Variants in SIMC1 observed in about 807,000 individuals in gnomAD.
The protein encoded by SIMC1 is SUMO-interacting motif-containing protein 1.
SIMC1 carries 55 observed loss-of-function variants against 82.3 expected under a neutral mutation model. The ratio of observed to expected loss-of-function variants is 0.67; its 90% CI spans 0.54 to 0.84. The LOEUF is 0.84. Among genes scored for constraint, SIMC1 ranks in the 40% least tolerant of loss-of-function variants. SIMC1 has a pLI of 0.00. For synonymous variants in SIMC1, 353 were observed against 426.3 expected (o/e 0.83, Z 2.12); for missense variants, 915 against 1,107.2 (o/e 0.83, Z 2.46).
chr5:176,311,756 G>A (rs190562509), intron 4 of SIMC1, among the ~76,000 whole-genome samples: 166 of 152,264 alleles, frequency 1.1e-3, no homozygotes, highest in African/African-American at 3.2e-3. Flanking sequence ...GTTAGTAAAC[G>A]TATTAGTAAA....
At position 176,290,234 on chromosome 5, in the gene SIMC1, C is replaced by T. The variant is rs1295038562; in HGVS notation, c.710C>T (p.Pro237Leu). ...CCACCGAGAGCCTCACCATGTCCAC[C>T]ACGAGCCTCCTCATGCCCACCACGA... ...PCPPRASPCP[P>L]RASSCPPRAL... The change falls in exon 2 of 10, where the codon CCA becomes CTA. Residue 237 changes from proline to leucine, a missense_variant. By Grantham distance (98) the Pro-to-Leu change is moderately conservative. Transcript: ENST00000429602. 3 of 1,612,988 alleles carry T rather than the reference C, an allele frequency of 1.9e-6. No homozygotes were observed. The highest frequency in any genetic ancestry group is 1.7e-4 in the Middle Eastern group (1 of 6,058).
chr5:176,334,989 G>C (rs1257544032), intron 7 of SIMC1, among the ~76,000 whole-genome samples: 3 of 151,810 alleles, frequency 2.0e-5, no homozygotes, highest in African/African-American at 7.3e-5. Context: ...GGCTCAGGAG[G>C]CTGAGGTAGG....
At chr5:176,284,201 C>G (rs1390559434) in intron 1 of SIMC1, among the ~76,000 whole-genome samples, 4 of 152,190 alleles carry the variant, frequency 2.6e-5, no homozygotes, top group Admixed American at 1.3e-4. Flanking sequence ...GAACTCTCCA[C>G]CCCAAATGAA....
intron 4 of SIMC1, among the ~76,000 whole-genome samples, chr5:176,297,525 A>C (rs1274443010): frequency 2.6e-5 from 4 of 151,596 alleles, no homozygotes; most frequent in Non-Finnish European, 5.9e-5. Context: ...AAAAAAAAAA[A>C]AACGTTGAAT....
At position 176,324,741 on chromosome 5, in the gene SIMC1, C is replaced by T. The variant is rs910349709; in HGVS notation, c.2155C>T (p.Pro719Ser). ...GATGTTTGGGTTTGTGCTGGACATT[C>T]CTGAGAGGAGCCAGAGGTGAGTCTT... ...EMMFGFVLDI[P>S]ERSQREMFFT... is the part of the protein sequence containing the mutation. Residue 719 changes from proline to serine, a missense_variant, in exon 7 of 10, where the codon CCT (proline) becomes TCT (serine). Transcript: ENST00000429602. The T allele has an allele frequency of 1.3e-6, 2 of 1,596,292 alleles. No homozygotes were observed. The highest frequency in any genetic ancestry group is 1.7e-6 in the Non-Finnish European group (2 of 1,171,160).
intron 1 of SIMC1, among the ~76,000 whole-genome samples, chr5:176,255,386 A>G (rs1761815845): frequency 6.6e-6 from 1 of 152,162 alleles, no homozygotes; most frequent in African/African-American, 2.4e-5. Flanking sequence ...ATTTGAGACC[A>G]GCCTGGCCAA....
In SIMC1 at chr5:176,313,545, C is replaced by T. The variant is rs977503503; in HGVS notation, c.1735-146C>T. On this transcript the variant is annotated intron_variant, in intron 4 of 9. Transcript: ENST00000429602. ...CTCTCATAATGACCCAGACTACCTG[C>T]CCTCTCCTAGGAGCCTCTCTTTTAA... The T allele has an allele frequency of 1.1e-5, 17 of 1,544,070 alleles. No individual in the cohort carries two copies. In the African/African-American group the frequency reaches 2.2e-4, roughly 20 times the overall value.
chr5:176,282,910 A>G (rs138901414), intron 1 of SIMC1, among the ~76,000 whole-genome samples: 2 of 152,252 alleles, frequency 1.3e-5, no homozygotes, highest in Non-Finnish European at 2.9e-5. Flanking sequence ...GATCAACTGG[A>G]AGAAAGGGTA....
chr5:176,285,699 T>A (rs2113239769), intron 1 of SIMC1, among the ~76,000 whole-genome samples: 2 of 152,184 alleles, frequency 1.3e-5, no homozygotes, highest in South Asian at 4.2e-4. Flanking sequence ...AGTCAAATTG[T>A]CCCTGTTTGC....
At chr5:176,337,336 G>A (rs766722129) in intron 9 of SIMC1, among the ~76,000 whole-genome samples, 190 bp downstream of exon 9, 1 of 152,190 alleles carries the variant, frequency 6.6e-6, no homozygotes, top group Admixed American at 6.5e-5. Flanking sequence ...TGTTATGGCC[G>A]ACAATACATG....
At chr5:176,340,525 G>A (rs903166145) in intron 9 of SIMC1, among the ~76,000 whole-genome samples, 1 of 152,180 alleles carries the variant, frequency 6.6e-6, no homozygotes, top group Non-Finnish European at 1.5e-5. Context: ...TCACACACAC[G>A]GTCTCCCTGC....
chr5:176,271,185 C>T (rs1475653378), intron 1 of SIMC1, among the ~76,000 whole-genome samples: 1 of 152,116 alleles, frequency 6.6e-6, no homozygotes, highest in Non-Finnish European at 1.5e-5. Context: ...CATGGCGAAA[C>T]CCCATCTCTA....
chr5:176,339,219 C>T (rs1302491285), intron 9 of SIMC1, among the ~76,000 whole-genome samples: 1 of 152,114 alleles, frequency 6.6e-6, no homozygotes, highest in Non-Finnish European at 1.5e-5. Context: ...AAAAAATTAG[C>T]TGGGTATAGT....
intron 1 of SIMC1, among the ~76,000 whole-genome samples, chr5:176,284,886 C>A (rs972975796): frequency 2.0e-5 from 3 of 152,016 alleles, no homozygotes; most frequent in African/African-American, 7.3e-5. Context: ...ATACACCCTC[C>A]CAAGACTAAA....
At chr5:176,299,286 T>C (rs1198437931) in intron 4 of SIMC1, among the ~76,000 whole-genome samples, 1 of 151,832 alleles carries the variant, frequency 6.6e-6, no homozygotes, top group East Asian at 1.9e-4. Flanking sequence ...CCAGCTACTG[T>C]GGAGGTTGAG....
rs1765298891 is a variant in SIMC1, at chr5:176,324,671, G to A, written c.2085G>A (p.Glu695=). 1 of 1,610,054 alleles carries A rather than the reference G, an allele frequency of 6.2e-7. No individual in the cohort carries two copies. The highest frequency in any genetic ancestry group is 2.2e-5 in the East Asian group (1 of 44,822). Residue 695 remains glutamate, a synonymous_variant, in exon 7 of 10, where the codon GAG becomes GAA. Transcript: ENST00000429602. ...QLQRMLSIAV[E]VDRTPTCSSN... is the part of the protein sequence containing the mutation. ...AGAGGATGCTCTCCATAGCCGTAGA[G>A]GTGGACAGGACCCCCACCTGCAGCT...
At chr5:176,277,233 G>A (rs1581242942) in intron 1 of SIMC1, among the ~76,000 whole-genome samples, 1 of 151,728 alleles carries the variant, frequency 6.6e-6, no homozygotes, top group East Asian at 1.9e-4. Context: ...TTTTTTGGCT[G>A]CATAAATGTC....
At chr5:176,313,953 T>A (rs1467543262) in intron 5 of SIMC1, 108 bp downstream of exon 5, 4 of 1,376,706 alleles carry the variant, frequency 2.9e-6, no homozygotes, top group Non-Finnish European at 3.0e-6. Flanking sequence ...CAGTAGATAG[T>A]GTAATAGGGC....
intron 1 of SIMC1, among the ~76,000 whole-genome samples, chr5:176,242,572 T>C (rs918129397): frequency 3.1e-4 from 47 of 152,166 alleles, no homozygotes; most frequent in African/African-American, 1.0e-3. Context: ...CAAAAAATTT[T>C]CCAATATATT....
Sources: allele counts gnomAD v4.1 joint callset (sites outside exome capture counted in the v4.1 genomes callset), GRCh38; gene constraint gnomAD v4.1.1; transcripts MANE v1.5; gene names NCBI Gene and HGNC (gene_info 2026-07-23, HGNC 2026-07-21).